The following C12orf42 variants were observed in gnomAD, a reference collection of about 807,000 sequenced individuals.
C12orf42 encodes the protein chromosome 12 open reading frame 42.
A neutral mutation model predicts 21.6 loss-of-function variants in C12orf42; 25 were observed. The observed-to-expected ratio is 1.16, with a 90% CI of 0.84 to 1.62. The LOEUF is 1.62. C12orf42 is among the 40% of genes most tolerant of loss of function. The pLI, the probability that C12orf42 is intolerant of heterozygous loss-of-function variation, is 0.00. For missense variants in C12orf42, 483 were observed against 459.3 expected (o/e 1.05, Z -0.47); for synonymous variants, 174 against 175.0 (o/e 0.99, Z 0.05).
At chr12:103,563,261 A>C in the C12orf42 span, among the ~76,000 whole-genome samples, 1 of 152,148 alleles carries the variant, frequency 6.6e-6, no homozygotes, top group Non-Finnish European at 1.5e-5. Context: ...AGGAATGTGT[A>C]TCCTGGACTA....
rs140008133 is a variant in C12orf42 at position 103,463,600 on chromosome 12, CTATTT to C, written c.78+14744_78+14748del. Among the ~76,000 whole-genome samples, 281 of 152,196 alleles carry C rather than the reference CTATTT, an allele frequency of 1.8e-3. 1 individual carries two copies. The highest frequency in any genetic ancestry group is 3.5e-3 in the Non-Finnish European group (235 of 67,990). On this transcript the variant is annotated intron_variant, in intron 2 of 5. Transcript: ENST00000548883. ...AGTACCTCATGAGTAAAATTTTTTT[CTATTT>C]TAAGTTCCAGGATACATGTGCAGGA... is the stretch of plus-strand genomic sequence containing the variant.
chr12:103,341,109 T>C (rs1240999155), intron 4 of C12orf42, among the ~76,000 whole-genome samples: 1 of 79,248 alleles, frequency 1.3e-5, no homozygotes, highest in Non-Finnish European at 2.1e-5. Flanking sequence ...CAAGACTCTG[T>C]CTCAAAAAAA....
the C12orf42 span, among the ~76,000 whole-genome samples, chr12:103,202,167 C>T: frequency 3.9e-5 from 6 of 152,174 alleles, no homozygotes; most frequent in Non-Finnish European, 7.3e-5. Context: ...GGAAGGATCC[C>T]AGTGATCTCT....
At chr12:103,270,162 GGACACT>G (rs2035375631) in intron 5 of C12orf42, 1 of 152,004 alleles carries the variant, frequency 6.6e-6, no homozygotes, top group Admixed American at 6.6e-5. Flanking sequence ...ACAACATAGT[GGACACT>G]GTGCTGAAAA....
chr12:103,345,030 A>G (rs1204019259), intron 4 of C12orf42, among the ~76,000 whole-genome samples: 1 of 152,210 alleles, frequency 6.6e-6, no homozygotes, highest in Non-Finnish European at 1.5e-5. Flanking sequence ...GGAATTAGGC[A>G]GAGTTAGGTT....
intron 4 of C12orf42, among the ~76,000 whole-genome samples, chr12:103,284,974 T>C (rs971293772): frequency 1.4e-4 from 21 of 152,188 alleles, no homozygotes; most frequent in South Asian, 4.1e-4. Flanking sequence ...GGGGTCTGGA[T>C]TTCTCACTGT....
chr12:103,166,491 G>T, the C12orf42 span, among the ~76,000 whole-genome samples: 3 of 151,718 alleles, frequency 2.0e-5, no homozygotes, highest in South Asian at 2.1e-4. Flanking sequence ...TTATTTTATG[G>T]GCAAGAATAC....
the C12orf42 span, among the ~76,000 whole-genome samples, chr12:103,521,840 G>A: frequency 6.6e-6 from 1 of 152,170 alleles, no homozygotes; most frequent in African/African-American, 2.4e-5. Flanking sequence ...ACCAGTTGCA[G>A]TTTGGTGCTG....
intron 4 of C12orf42, among the ~76,000 whole-genome samples, chr12:103,350,868 T>C (rs2137451448): frequency 6.6e-6 from 1 of 152,242 alleles, no homozygotes; most frequent in Non-Finnish European, 1.5e-5. Context: ...AGTGAGGAAA[T>C]CTTATTTAAA....
the C12orf42 span, among the ~76,000 whole-genome samples, chr12:103,175,614 G>A: frequency 2.6e-5 from 4 of 152,192 alleles, no homozygotes; most frequent in Admixed American, 2.6e-4. Flanking sequence ...GAAAAAAAAT[G>A]GAATAATTTT....
chr12:103,090,570 C>T, the C12orf42 span, among the ~76,000 whole-genome samples: 2 of 152,032 alleles, frequency 1.3e-5, no homozygotes, highest in Non-Finnish European at 2.9e-5. Flanking sequence ...GGGGTTCTGC[C>T]CATTGAGCTA....
chr12:103,295,253 A>T (rs1214829441), intron 4 of C12orf42, among the ~76,000 whole-genome samples: 2 of 152,062 alleles, frequency 1.3e-5, no homozygotes, highest in African/African-American at 4.8e-5. Flanking sequence ...ACATTACCTC[A>T]TCCCTTCCCT....
chr12:103,147,688 G>T, the C12orf42 span, among the ~76,000 whole-genome samples: 1 of 134,948 alleles, frequency 7.4e-6, no homozygotes, highest in Non-Finnish European at 1.5e-5. Context: ...CTGTAAAGCC[G>T]CAATTGTGTG....
the C12orf42 span, among the ~76,000 whole-genome samples, chr12:103,067,420 T>G: frequency 1.3e-5 from 2 of 152,176 alleles, no homozygotes; most frequent in Non-Finnish European, 1.5e-5. Flanking sequence ...ATTGATAGAA[T>G]GGTGGAATGG....
intron 3 of C12orf42, among the ~76,000 whole-genome samples, chr12:103,395,732 T>C (rs1156898286): frequency 6.6e-6 from 1 of 152,088 alleles, no homozygotes; most frequent in East Asian, 1.9e-4. Context: ...TAATCATTTA[T>C]AATTGATCTC....
the C12orf42 span, among the ~76,000 whole-genome samples, chr12:103,531,900 AC>A: frequency 6.6e-6 from 1 of 152,240 alleles, no homozygotes; most frequent in South Asian, 2.1e-4. Flanking sequence ...TTGTGGGATT[AC>A]AGTTTATATA....
At chr12:103,089,101 CA>C in the C12orf42 span, among the ~76,000 whole-genome samples, 74 of 54,850 alleles carry the variant, frequency 1.3e-3, no homozygotes, top group East Asian at 0.011. Flanking sequence ...GACTCCATCT[CA>C]AAAAAAAAAA....
intron 3 of C12orf42, among the ~76,000 whole-genome samples, chr12:103,377,007 C>T (rs532807593): frequency 1.3e-5 from 2 of 151,978 alleles, no homozygotes; most frequent in South Asian, 4.2e-4. Context: ...TCTTATGCTG[C>T]TCTTTTTAAA....
the C12orf42 span, among the ~76,000 whole-genome samples, chr12:103,119,103 A>G: frequency 6.6e-6 from 1 of 152,114 alleles, no homozygotes; most frequent in Non-Finnish European, 1.5e-5. Flanking sequence ...CCCACTAGAC[A>G]CTGGAGGGAG....
Sources: gnomAD v4.1 joint callset for allele counts (sites outside exome capture counted in the v4.1 genomes callset) on GRCh38, gnomAD v4.1.1 for gene constraint, MANE v1.5 for transcripts, NCBI Gene and HGNC (gene_info 2026-07-23, HGNC 2026-07-21) for gene names.